DENND4A: variants seen among roughly 807,000 people sequenced by gnomAD.
DENND4A encodes the protein DENN domain containing 4A, also known as C-myc promoter-binding protein.
In DENND4A, 70 loss-of-function variants were observed where a neutral mutation model predicts 199.3. The observed-to-expected ratio is 0.35, with a 90% CI of 0.29 to 0.43. DENND4A has a LOEUF of 0.43. Ranked by LOEUF, DENND4A falls within the 20% of genes least tolerant of loss-of-function variation. DENND4A has a pLI of 1.00. For synonymous variants in DENND4A, 686 were observed against 766.9 expected (o/e 0.89, Z 1.74); for missense variants, 1,723 against 2,255.8 (o/e 0.76, Z 4.78).
At chr15:65,718,099 A>C (rs2075465549) in intron 12 of DENND4A, 103 bp from the exon 13 acceptor site, 2 of 825,890 alleles carry the variant, frequency 2.4e-6, no homozygotes, top group Non-Finnish European at 3.7e-6. Flanking sequence ...AAGCTACCTC[A>C]ACTCTTTGTT....
chr15:65,736,612 T>C (rs2076127070), intron 7 of DENND4A, among the ~76,000 whole-genome samples: 1 of 152,084 alleles, frequency 6.6e-6, no homozygotes, highest in Non-Finnish European at 1.5e-5. Context: ...TACTACAGTT[T>C]TAGATTGCAA....
At position 65,697,371 on chromosome 15, in the gene DENND4A, T is replaced by C; in HGVS notation, c.2846A>G (p.Asp949Gly). ...TTTAGATAATGAATTATATCCAAGA[T>C]CAGACTGGCCACCTGGTAAAAACAA... ...DDRSSTGGQS[D>G]LGYNSLSKDE... The change falls in exon 21 of 33, where the codon GAT (aspartate) becomes GGT (glycine). Residue 949 changes from aspartate (D) to glycine (G), a missense_variant. Transcript: ENST00000443035. 6.3e-7 allele frequency: 1 copy of C among 1,599,976 alleles called. No homozygotes were observed. Among genetic ancestry groups the C allele is most frequent in the Non-Finnish European group, 8.5e-7 (1 of 1,173,150 alleles).
intron 1 of DENND4A, among the ~76,000 whole-genome samples, chr15:65,787,558 G>C (rs964974455): frequency 6.0e-4 from 91 of 152,116 alleles, no homozygotes; most frequent in African/African-American, 2.2e-3. Context: ...GGCCATAGAT[G>C]AATATATACC....
chr15:65,733,153 G>A (rs1467614073), intron 7 of DENND4A, among the ~76,000 whole-genome samples: 2 of 152,152 alleles, frequency 1.3e-5, no homozygotes, highest in Non-Finnish European at 2.9e-5. Flanking sequence ...TTTACAATAT[G>A]CTTTTTAGTC....
In DENND4A at chr15:65,667,667, C is replaced by T. The variant is rs1370848722; in HGVS notation, c.5023G>A (p.Asp1675Asn). The change falls in exon 29 of 33, where the codon GAT becomes AAT. Residue 1675 changes from aspartate to asparagine, a missense_variant. Around this residue, in one of 6 missense-constraint regions of DENND4A, gnomAD observed 141 missense variants for 170.7 expected, o/e 0.83. Transcript: ENST00000443035. ...CTAAGATACGGAACAGTGACAGGAT[C>T]GGGACTTGGAAGGTGCCATTCTAAA... ...LGLEWHLPSP[D>N]PVTVPYLSPL... The T allele has an allele frequency of 3.7e-6, 6 of 1,613,860 alleles. No individual in the cohort carries two copies. In the Admixed American group the frequency reaches 6.7e-5, roughly 18 times the overall value.
At chr15:65,736,941 C>T (rs778646075) in intron 7 of DENND4A, among the ~76,000 whole-genome samples, 7 of 152,108 alleles carry the variant, frequency 4.6e-5, no homozygotes, top group Non-Finnish European at 1.0e-4. Flanking sequence ...TATTAACATG[C>T]AATGGGTGTG....
intron 20 of DENND4A, among the ~76,000 whole-genome samples, chr15:65,698,086 T>C (rs184646083): frequency 3.0e-4 from 46 of 152,056 alleles, no homozygotes; most frequent in Non-Finnish European, 5.9e-4. Context: ...ACCTCATCTC[T>C]ACTAAAAATA....
rs1280686020 is a variant in DENND4A, at chr15:65,662,089, A to C, written c.5588-102T>G. On this transcript the variant is annotated intron_variant, in intron 32 of 32. Transcript: ENST00000443035. ...CTACAGAAACACAACATTAGAGGCC[A>C]AGAAGGAATTGCTAGGACATTTCTT... 3.1e-6 allele frequency: 3 copies of C among 954,556 alleles called. No homozygotes were observed. The African/African-American group carries it at 5.0e-5, about 16-fold the overall frequency. The allele number at this position is 954,556 out of a possible 1,614,324, so 59.1% of individuals were successfully genotyped here.
chr15:65,731,680 C>G lies in DENND4A; in HGVS notation c.1128G>C (p.Leu376=). The G allele has an allele frequency of 6.4e-7, 1 of 1,559,502 alleles. No individual in the cohort carries two copies. The highest frequency in any genetic ancestry group is 8.7e-7 in the Non-Finnish European group (1 of 1,150,564). The stretch of plus-strand genomic sequence containing the variant: ...GTGAAGACACAGGCTGACTGAGAAT[C>G]AGATTATCATGTGGTGATAACTGGA... ...ILVQLSPHDN[L]ILSQPVSSPL... Residue 376 remains leucine, a synonymous_variant, in exon 9 of 33, where the codon CTG becomes CTC. Transcript: ENST00000443035.
intron 7 of DENND4A, among the ~76,000 whole-genome samples, chr15:65,736,756 T>C (rs998953118): frequency 6.6e-6 from 1 of 152,160 alleles, no homozygotes; most frequent in African/African-American, 2.4e-5. Flanking sequence ...AGGCTTTCTT[T>C]GTATATTTCA....
chr15:65,679,666 G>A (rs2076504192), intron 23 of DENND4A, among the ~76,000 whole-genome samples: 1 of 151,666 alleles, frequency 6.6e-6, no homozygotes, highest in African/African-American at 2.4e-5. Flanking sequence ...AAGCAGCTGG[G>A]ACCACAGGCA....
At chr15:65,687,142 AT>A (rs1271850104) in intron 23 of DENND4A, among the ~76,000 whole-genome samples, 1 of 151,990 alleles carries the variant, frequency 6.6e-6, no homozygotes, top group Admixed American at 6.6e-5. Flanking sequence ...GAATATTTTT[AT>A]TGGCTTTTTG....
At chr15:65,789,926 C>T (rs934733399) in intron 1 of DENND4A, among the ~76,000 whole-genome samples, 1 of 152,124 alleles carries the variant, frequency 6.6e-6, no homozygotes, top group Admixed American at 6.6e-5. Context: ...GAGGCCAAGG[C>T]GGGCAGATTG....
At chr15:65,740,951 G>A (rs912958341) in intron 5 of DENND4A, among the ~76,000 whole-genome samples, 1 of 151,942 alleles carries the variant, frequency 6.6e-6, no homozygotes, top group Non-Finnish European at 1.5e-5. Flanking sequence ...AACCGAATGA[G>A]ACCCCGTACC....
chr15:65,665,503 A>G, intron 29 of DENND4A, 41 bp from the exon 30 acceptor site: 4 of 1,406,650 alleles, frequency 2.8e-6, no homozygotes, highest in Non-Finnish European at 3.9e-6. Flanking sequence ...TCCTTACATG[A>G]TAATTTTTCA....
chr15:65,727,991 G>GT (rs954099715), intron 11 of DENND4A, among the ~76,000 whole-genome samples: 1 of 151,342 alleles, frequency 6.6e-6, no homozygotes, highest in African/African-American at 2.4e-5. Context: ...ACTATGATGA[G>GT]TTTTTTTTGT....
chr15:65,696,601 T>G, intron 21 of DENND4A, 104 bp from the exon 22 acceptor site: 2 of 799,444 alleles, frequency 2.5e-6, no homozygotes, highest in Admixed American at 6.1e-5. Context: ...TGAAAATAGG[T>G]GACAAGAAAA....
At chr15:65,747,366 T>C (rs2076430589) in intron 4 of DENND4A, among the ~76,000 whole-genome samples, 1 of 152,224 alleles carries the variant, frequency 6.6e-6, no homozygotes, top group African/African-American at 2.4e-5. Flanking sequence ...AAAGTAATTT[T>C]TGAAAACTCT....
At chr15:65,734,191 C>A (rs2076043898) in intron 7 of DENND4A, among the ~76,000 whole-genome samples, 1 of 152,178 alleles carries the variant, frequency 6.6e-6, no homozygotes, top group Non-Finnish European at 1.5e-5. Context: ...CGGTATAAAA[C>A]CCGATTGTAC....
Sources: allele counts gnomAD v4.1 joint callset (sites outside exome capture counted in the v4.1 genomes callset), GRCh38; gene constraint gnomAD v4.1.1; regional missense constraint gnomAD v4.1.1; transcripts MANE v1.5; gene names NCBI Gene and HGNC (gene_info 2026-07-23, HGNC 2026-07-21).